FHIT: variants seen among roughly 807,000 people sequenced by gnomAD.
FHIT encodes fragile histidine triad diadenosine triphosphatase.
Under a neutral mutation model 17.9 loss-of-function variants are expected in FHIT, and 19 were observed. The observed-to-expected ratio is 1.06, with a 90% CI of 0.74 to 1.56. The LOEUF (loss-of-function observed/expected upper bound fraction) is 1.56. Ranked by LOEUF, FHIT falls within the 40% of genes most tolerant of loss-of-function variation. The probability of loss-of-function intolerance (pLI) is 0.00; values close to 1 mark genes in which losing one functional copy is unlikely to be tolerated. For synonymous variants in FHIT, 81 were observed against 69.7 expected (o/e 1.16, Z -0.81); for missense variants, 248 against 189.2 (o/e 1.31, Z -1.82).
intron 5 of FHIT, among the ~76,000 whole-genome samples, chr3:60,333,409 T>G (rs1444606488): frequency 6.6e-6 from 1 of 151,832 alleles, no homozygotes; most frequent in Non-Finnish European, 1.5e-5. Flanking sequence ...CACTAAAAAC[T>G]CCACATGTGA....
At chr3:60,158,475 C>A (rs944502448) in intron 5 of FHIT, among the ~76,000 whole-genome samples, 1 of 152,070 alleles carries the variant, frequency 6.6e-6, no homozygotes, top group Non-Finnish European at 1.5e-5. Flanking sequence ...CCAGGCCTAG[C>A]TAATTTTTGT....
intron 1 of FHIT, among the ~76,000 whole-genome samples, chr3:61,248,387 C>A (rs944325826): frequency 1.3e-5 from 2 of 152,162 alleles, no homozygotes; most frequent in African/African-American, 4.8e-5. Flanking sequence ...ATTCATAAAA[C>A]TGTTACTTTA....
intron 3 of FHIT, among the ~76,000 whole-genome samples, chr3:60,929,509 CAA>C (rs1387284708): frequency 1.3e-5 from 2 of 152,182 alleles, no homozygotes; most frequent in African/African-American, 4.8e-5. Flanking sequence ...GCAACTTCAG[CAA>C]AGTCTCAGGA....
chr3:59,978,651 CTT>C (rs1708517984), intron 7 of FHIT, among the ~76,000 whole-genome samples: 1 of 150,256 alleles, frequency 6.7e-6, no homozygotes, highest in African/African-American at 2.4e-5. Flanking sequence ...AGGAGGGACA[CTT>C]TGCAACCTCC....
chr3:60,937,752 TG>T (rs1708254555), intron 3 of FHIT, among the ~76,000 whole-genome samples: 1 of 151,910 alleles, frequency 6.6e-6, no homozygotes. Context: ...TTAGTAGAGA[TG>T]GGGTTTCACC....
At chr3:60,260,046 A>T (rs1232979091) in intron 5 of FHIT, among the ~76,000 whole-genome samples, 1 of 152,098 alleles carries the variant, frequency 6.6e-6, no homozygotes, top group Non-Finnish European at 1.5e-5. Context: ...CTCAATAACC[A>T]CAAGGTCAGA....
chr3:60,547,445 T>C (rs1412038475), intron 4 of FHIT, among the ~76,000 whole-genome samples: 2 of 152,152 alleles, frequency 1.3e-5, no homozygotes, highest in African/African-American at 2.4e-5. Flanking sequence ...CAGAAGTAGA[T>C]ACATAAATGA....
chr3:61,214,168 G>A (rs554112860), intron 1 of FHIT, among the ~76,000 whole-genome samples: 12 of 152,236 alleles, frequency 7.9e-5, no homozygotes, highest in African/African-American at 2.6e-4. Context: ...GAGCAGAACT[G>A]AAGGAAATAG....
chr3:60,925,177 G>A (rs140552350), intron 3 of FHIT, among the ~76,000 whole-genome samples: 87 of 152,218 alleles, frequency 5.7e-4, no homozygotes, highest in East Asian at 5.0e-3. Flanking sequence ...TAGCAAGGAC[G>A]GCCAACATTC....
At chr3:60,734,652 A>G (rs1260110029) in intron 4 of FHIT, among the ~76,000 whole-genome samples, 1 of 151,920 alleles carries the variant, frequency 6.6e-6, no homozygotes, top group Admixed American at 6.5e-5. Context: ...GGGGTGAGCC[A>G]TCCCACCTGG....
At chr3:60,906,080 A>T (rs1389687788) in intron 3 of FHIT, among the ~76,000 whole-genome samples, 1 of 152,212 alleles carries the variant, frequency 6.6e-6, no homozygotes, top group African/African-American at 2.4e-5. Flanking sequence ...CAACGTAAAT[A>T]ATCACAGAGG....
At chr3:60,687,909 G>T (rs2040895050) in intron 4 of FHIT, among the ~76,000 whole-genome samples, 1 of 151,720 alleles carries the variant, frequency 6.6e-6, no homozygotes, top group Non-Finnish European at 1.5e-5. Context: ...TAACCTTCTT[G>T]ATTGCATTTA....
At chr3:59,789,142 A>G (rs1048087911) in intron 8 of FHIT, among the ~76,000 whole-genome samples, 1 of 152,192 alleles carries the variant, frequency 6.6e-6, no homozygotes, top group Non-Finnish European at 1.5e-5. Flanking sequence ...ATTTTGTAAT[A>G]GTGCTGAAGA....
intron 5 of FHIT, among the ~76,000 whole-genome samples, chr3:60,237,777 A>G (rs2107566102): frequency 6.6e-6 from 1 of 152,256 alleles, no homozygotes; most frequent in African/African-American, 2.4e-5. Context: ...ATTTTAGGAA[A>G]AGCTCTGGCT....
intron 2 of FHIT, among the ~76,000 whole-genome samples, chr3:61,051,249 C>CTGTTTGTTTGTT (rs57097773): frequency 5.8e-4 from 87 of 150,920 alleles, no homozygotes; most frequent in African/African-American, 1.6e-3. Context: ...ACCACTATCT[C>CTGTTTGTTTGTT]TGTTTGTTTG....
At chr3:60,209,589 T>C (rs1703356412) in intron 5 of FHIT, among the ~76,000 whole-genome samples, 1 of 152,136 alleles carries the variant, frequency 6.6e-6, no homozygotes, top group Non-Finnish European at 1.5e-5. Context: ...AAGGATTTGT[T>C]TGTTTAGGAA....
chr3:60,513,757 G>A (rs1350074137), intron 5 of FHIT, among the ~76,000 whole-genome samples: 1 of 131,956 alleles, frequency 7.6e-6, no homozygotes, highest in East Asian at 2.1e-4. Context: ...TCTCAAGCCT[G>A]GACCCATGGC....
At position 60,296,893 on chromosome 3, in the gene FHIT, C is replaced by A. The variant is rs114694576; in HGVS notation, c.103+239967G>T. 8.4e-3 allele frequency among the ~76,000 whole-genome samples: 1,222 copies of A among 144,868 alleles called. 13 individuals carry two copies. Among genetic ancestry groups the A allele is most frequent in the African/African-American group, 0.03 (1,169 of 39,130 alleles). On this transcript the variant is annotated intron_variant, in intron 5 of 9. Coordinates refer to ENST00000492590, the MANE Select transcript of FHIT (RefSeq NM_002012.4). Reference sequence around the variant, plus strand: ...CAATTTGTTGAAAAGTCTATTCTTTCTCTAACTGAATTGCTTTTTTATTTT... The same window carrying A: ...CAATTTGTTGAAAAGTCTATTCTTTATCTAACTGAATTGCTTTTTTATTTT...
intron 4 of FHIT, among the ~76,000 whole-genome samples, chr3:60,574,757 G>A (rs1429518433): frequency 1.3e-5 from 2 of 152,002 alleles, no homozygotes; most frequent in East Asian, 3.9e-4. Flanking sequence ...TATTTATAGA[G>A]TGCTCCCTGC....
Sources: gnomAD v4.1 joint callset for allele counts (sites outside exome capture counted in the v4.1 genomes callset) on GRCh38, gnomAD v4.1.1 for gene constraint, MANE v1.5 for transcripts, NCBI Gene and HGNC (gene_info 2026-07-23, HGNC 2026-07-21) for gene names.